The following R3HDM1 variants were observed in gnomAD, a reference collection of about 807,000 sequenced individuals.
The protein encoded by R3HDM1 is R3H domain containing 1, also known as R3H domain-containing protein 1.
R3HDM1 carries 46 observed loss-of-function variants against 141.1 expected under a neutral mutation model. That is an observed-to-expected ratio of 0.33 (90% CI 0.26 to 0.42). R3HDM1 has a LOEUF of 0.42. Among genes scored for constraint, R3HDM1 ranks in the 10% least tolerant of loss-of-function variants. The pLI, the probability that R3HDM1 is intolerant of heterozygous loss-of-function variation, is 1.00. For synonymous variants in R3HDM1, 435 were observed against 472.9 expected, an observed-to-expected ratio of 0.92 and a Z score of 1.04; for missense variants, 1,184 against 1,368.3, an observed-to-expected ratio of 0.87 and a Z score of 2.12.
intron 23 of R3HDM1, among the ~76,000 whole-genome samples, chr2:135,715,116 G>A (rs1389256523): frequency 6.6e-6 from 1 of 152,214 alleles, no homozygotes; most frequent in African/African-American, 2.4e-5. Flanking sequence ...TAGGGAGGCT[G>A]AGCCAGGCGG....
intron 14 of R3HDM1, among the ~76,000 whole-genome samples, chr2:135,639,806 T>C (rs1370415293): frequency 6.6e-6 from 1 of 152,142 alleles, no homozygotes; most frequent in Non-Finnish European, 1.5e-5. Flanking sequence ...CAAAAATGGG[T>C]GTTTCCCTGT....
chr2:135,641,244 T>G (rs2105246984), intron 14 of R3HDM1, among the ~76,000 whole-genome samples: 1 of 152,262 alleles, frequency 6.6e-6, no homozygotes, highest in Non-Finnish European at 1.5e-5. Context: ...TTTGTCCTTT[T>G]GGGAATGTGG....
At chr2:135,629,634 G>A (rs1048536551) in intron 7 of R3HDM1, among the ~76,000 whole-genome samples, 2 of 152,124 alleles carry the variant, frequency 1.3e-5, no homozygotes, top group Non-Finnish European at 1.5e-5. Flanking sequence ...CAGCAAAGGG[G>A]AACAGCATGT....
intron 21 of R3HDM1, among the ~76,000 whole-genome samples, chr2:135,690,492 A>G (rs1447503713): frequency 6.6e-6 from 1 of 152,202 alleles, no homozygotes; most frequent in Admixed American, 6.5e-5. Context: ...TCTTGTGTTA[A>G]GTGTTTTTAC....
chr2:135,661,202 C>T, intron 18 of R3HDM1, 68 bp from the exon 19 acceptor site: 1 of 1,563,828 alleles, frequency 6.4e-7, no homozygotes, highest in East Asian at 2.3e-5. Flanking sequence ...AAACTCTGAT[C>T]TTCCTCACAG....
At chr2:135,693,993 A>C (rs976159995) in intron 21 of R3HDM1, among the ~76,000 whole-genome samples, 1 of 152,232 alleles carries the variant, frequency 6.6e-6, no homozygotes, top group African/African-American at 2.4e-5. Context: ...AACAAGAGCG[A>C]AACTGCCTCA....
chr2:135,582,689 T>C (rs1465147732), intron 1 of R3HDM1, among the ~76,000 whole-genome samples: 1 of 152,198 alleles, frequency 6.6e-6, no homozygotes, highest in African/African-American at 2.4e-5. Flanking sequence ...AGTCTATTTT[T>C]ATATTTCAAA....
chr2:135,607,889 G>T, intron 3 of R3HDM1: 1 of 982,490 alleles, frequency 1.0e-6, no homozygotes. Context: ...CATGGGTATG[G>T]TCTTTGACCT....
At chr2:135,656,282 T>A (rs908795734) in intron 18 of R3HDM1, among the ~76,000 whole-genome samples, 6 of 152,118 alleles carry the variant, frequency 3.9e-5, no homozygotes, top group Non-Finnish European at 7.3e-5. Flanking sequence ...TGTCTTTCAT[T>A]TATGGTTATT....
intron 1 of R3HDM1, among the ~76,000 whole-genome samples, chr2:135,559,537 G>A (rs1369567769): frequency 6.6e-6 from 1 of 152,082 alleles, no homozygotes; most frequent in Admixed American, 6.5e-5. Context: ...TACTATTTTT[G>A]TGCCTTTTAA....
At chr2:135,653,212 T>C (rs1475945260) in intron 18 of R3HDM1, among the ~76,000 whole-genome samples, 1 of 151,918 alleles carries the variant, frequency 6.6e-6, no homozygotes, top group Admixed American at 6.6e-5. Context: ...AAAAATTAGC[T>C]GGGCGTGGTG....
intron 24 of R3HDM1, among the ~76,000 whole-genome samples, chr2:135,720,990 A>G (rs556323012): frequency 5.6e-4 from 86 of 152,224 alleles, no homozygotes; most frequent in African/African-American, 2.1e-3. Flanking sequence ...ACGGGATGTT[A>G]GGATTTAGTG....
intron 1 of R3HDM1, among the ~76,000 whole-genome samples, chr2:135,547,767 CTTTTTTTTT>C (rs56950620): frequency 9.3e-6 from 1 of 107,372 alleles, no homozygotes; most frequent in African/African-American, 4.0e-5. Context: ...TTTTTCTTTT[CTTTTTTTTT>C]TTTTTTTTTT....
At chr2:135,604,105 T>C (rs898068024) in intron 2 of R3HDM1, among the ~76,000 whole-genome samples, 1 of 152,234 alleles carries the variant, frequency 6.6e-6, no homozygotes, top group Non-Finnish European at 1.5e-5. Flanking sequence ...TTGTTTGGCA[T>C]TGAATCACTT....
intron 1 of R3HDM1, among the ~76,000 whole-genome samples, chr2:135,602,206 G>C (rs1221324025): frequency 6.6e-6 from 1 of 151,844 alleles, no homozygotes; most frequent in African/African-American, 2.4e-5. Context: ...TTTATCTATA[G>C]ATACTATCTC....
intron 23 of R3HDM1, among the ~76,000 whole-genome samples, chr2:135,711,694 C>T (rs2075655764): frequency 6.7e-6 from 1 of 150,142 alleles, no homozygotes; most frequent in South Asian, 2.1e-4. Context: ...CACAGTGGCT[C>T]ATGCCTATAA....
intron 25 of R3HDM1, among the ~76,000 whole-genome samples, 181 bp from the exon 26 acceptor site, chr2:135,722,288 G>A (rs549139024): frequency 4.6e-5 from 7 of 152,292 alleles, no homozygotes; most frequent in African/African-American, 1.2e-4. Flanking sequence ...GCAAGTGATC[G>A]GTCATAATGA....
intron 21 of R3HDM1, among the ~76,000 whole-genome samples, chr2:135,688,443 A>T (rs2071750027): frequency 6.6e-6 from 1 of 152,218 alleles, no homozygotes; most frequent in Non-Finnish European, 1.5e-5. Flanking sequence ...TGGATTCATA[A>T]GATGATGAAT....
At chr2:135,581,760 C>G (rs1196614726) in intron 1 of R3HDM1, among the ~76,000 whole-genome samples, 2 of 152,122 alleles carry the variant, frequency 1.3e-5, no homozygotes, top group African/African-American at 2.4e-5. Context: ...TTTGAAGTAT[C>G]TCTCCACTGT....
Sources: gnomAD v4.1 joint callset for allele counts (sites outside exome capture counted in the v4.1 genomes callset) on GRCh38, gnomAD v4.1.1 for gene constraint, MANE v1.5 for transcripts, NCBI Gene and HGNC (gene_info 2026-07-23, HGNC 2026-07-21) for gene names.